The following MGAT5 variants were observed in gnomAD, a reference collection of about 807,000 sequenced individuals.
MGAT5 encodes the protein alpha-1,6-mannosylglycoprotein 6-beta-N-acetylglucosaminyltransferase.
A neutral mutation model predicts 94.3 loss-of-function variants in MGAT5; 30 were observed. The ratio of observed to expected loss-of-function variants is 0.32; its 90% CI spans 0.24 to 0.43. MGAT5 has a LOEUF of 0.43. MGAT5 is among the 20% of genes least tolerant of loss of function. The pLI is 1.00. For synonymous variants in MGAT5, 310 were observed against 322.9 expected, an observed-to-expected ratio of 0.96 and a Z score of 0.43; for missense variants, 691 against 905.5, an observed-to-expected ratio of 0.76 and a Z score of 3.04.
At chr2:134,277,297 A>G (rs775819133) in intron 2 of MGAT5, among the ~76,000 whole-genome samples, 4 of 152,166 alleles carry the variant, frequency 2.6e-5, no homozygotes, top group Non-Finnish European at 5.9e-5. Context: ...TTACAGTGCT[A>G]TAAAGATACT....
At chr2:134,175,928 T>C (rs1688442657) in intron 1 of MGAT5, among the ~76,000 whole-genome samples, 1 of 152,236 alleles carries the variant, frequency 6.6e-6, no homozygotes, top group Non-Finnish European at 1.5e-5. Flanking sequence ...TCTCCTTCTT[T>C]CTTTTAACTG....
intron 1 of MGAT5, among the ~76,000 whole-genome samples, chr2:134,224,116 C>T (rs6717805): frequency 0.012 from 1,863 of 152,182 alleles, 36 homozygotes; most frequent in African/African-American, 0.043. Context: ...TGGGTTTGAG[C>T]AATGCTCGTC....
chr2:134,446,827 G>T (rs528283175), intron 15 of MGAT5, among the ~76,000 whole-genome samples: 5 of 152,286 alleles, frequency 3.3e-5, no homozygotes, highest in East Asian at 1.9e-4. Flanking sequence ...CGCAGGCTCT[G>T]GGGGAGGGAG....
intron 8 of MGAT5, among the ~76,000 whole-genome samples, chr2:134,349,547 T>C (rs1679230777): frequency 6.6e-6 from 1 of 152,180 alleles, no homozygotes; most frequent in African/African-American, 2.4e-5. Flanking sequence ...ATTTTGCTGG[T>C]AGTTGAATGA....
At chr2:134,343,403 TTGA>T (rs1397556765) in intron 7 of MGAT5, among the ~76,000 whole-genome samples, 1 of 152,174 alleles carries the variant, frequency 6.6e-6, no homozygotes, top group Admixed American at 6.5e-5. Context: ...CAGGAACCTA[TTGA>T]TGATGTTAAG....
At chr2:134,201,816 CT>C (rs554227745) in intron 1 of MGAT5, among the ~76,000 whole-genome samples, 1,110 of 67,722 alleles carry the variant, frequency 0.016, 30 homozygotes, top group East Asian at 0.067. Context: ...CCAAGCGCTG[CT>C]TTTTTTTTTT....
At chr2:134,439,418 C>A (rs1449349226) in intron 14 of MGAT5, among the ~76,000 whole-genome samples, 2 of 152,146 alleles carry the variant, frequency 1.3e-5, no homozygotes, top group Admixed American at 6.5e-5. Flanking sequence ...AACACAAGGC[C>A]GGGCGCGGTG....
intron 1 of MGAT5, among the ~76,000 whole-genome samples, chr2:134,212,963 T>C (rs2105322679): frequency 6.6e-6 from 1 of 152,348 alleles, no homozygotes; most frequent in Admixed American, 6.5e-5. Flanking sequence ...GCTGATTTGC[T>C]GAAGTTGATG....
chr2:134,422,305 A>G (rs1451154700), intron 12 of MGAT5, among the ~76,000 whole-genome samples: 2 of 152,228 alleles, frequency 1.3e-5, no homozygotes, highest in Non-Finnish European at 2.9e-5. Context: ...GCTAATTATT[A>G]TTCCTGAAAC....
intron 2 of MGAT5, among the ~76,000 whole-genome samples, chr2:134,293,491 C>A (rs979668159): frequency 1.3e-5 from 2 of 151,536 alleles, no homozygotes; most frequent in Non-Finnish European, 2.9e-5. Context: ...TTTTTTGAGA[C>A]AGGGTCAAAC....
chr2:134,383,322 A>G (rs530462720), intron 10 of MGAT5, among the ~76,000 whole-genome samples: 10 of 152,238 alleles, frequency 6.6e-5, no homozygotes, highest in Non-Finnish European at 1.2e-4. Context: ...GACTGCTGTG[A>G]TTAGCCATTA....
chr2:134,343,950 G>A (rs1688776645), intron 7 of MGAT5, among the ~76,000 whole-genome samples: 1 of 152,156 alleles, frequency 6.6e-6, no homozygotes, highest in Non-Finnish European at 1.5e-5. Flanking sequence ...CTCTTGGGAG[G>A]AAACTGGTTC....
intron 1 of MGAT5, among the ~76,000 whole-genome samples, chr2:134,143,782 G>A (rs375378184): frequency 3.9e-5 from 6 of 152,332 alleles, no homozygotes; most frequent in African/African-American, 1.4e-4. Context: ...TGGTTACTGT[G>A]TATTCATTTA....
intron 14 of MGAT5, among the ~76,000 whole-genome samples, chr2:134,441,087 G>A (rs1386042216): frequency 3.3e-5 from 5 of 152,072 alleles, no homozygotes; most frequent in South Asian, 2.1e-4. Context: ...TTCGCTTAAC[G>A]TTGCAGTTTC....
intron 10 of MGAT5, among the ~76,000 whole-genome samples, chr2:134,398,056 G>A (rs978812347): frequency 1.3e-5 from 2 of 152,182 alleles, no homozygotes; most frequent in Non-Finnish European, 2.9e-5. Flanking sequence ...AAGAGGAGGA[G>A]CTGCCACAGG....
At chr2:134,316,646 G>A (rs1687015511) in intron 2 of MGAT5, among the ~76,000 whole-genome samples, 1 of 152,062 alleles carries the variant, frequency 6.6e-6, no homozygotes, top group Admixed American at 6.5e-5. Context: ...AAAATGTACG[G>A]TGATCAGATT....
intron 1 of MGAT5, among the ~76,000 whole-genome samples, chr2:134,178,228 A>G (rs1573801275): frequency 6.6e-6 from 1 of 152,344 alleles, no homozygotes; most frequent in African/African-American, 2.4e-5. Context: ...TTCATAGGGC[A>G]TGAATCAGGA....
At chr2:134,263,340 A>G (rs1014787080) in intron 1 of MGAT5, among the ~76,000 whole-genome samples, 5 of 152,196 alleles carry the variant, frequency 3.3e-5, no homozygotes, top group African/African-American at 1.2e-4. Flanking sequence ...CTTTTACCAG[A>G]TTTCGATGCA....
chr2:134,121,067 G>A (rs1685556342), intron 1 of MGAT5, among the ~76,000 whole-genome samples: 1 of 152,122 alleles, frequency 6.6e-6, no homozygotes, highest in Admixed American at 6.5e-5. Context: ...GCCCACTCCC[G>A]GCCCTCAGCT....
Sources: gnomAD v4.1 joint callset for allele counts (sites outside exome capture counted in the v4.1 genomes callset) on GRCh38, gnomAD v4.1.1 for gene constraint, MANE v1.5 for transcripts, NCBI Gene and HGNC (gene_info 2026-07-23, HGNC 2026-07-21) for gene names.